Variants in SLC24A3 observed in about 807,000 individuals in gnomAD.
SLC24A3 encodes the protein sodium/potassium/calcium exchanger 3.
Under a neutral mutation model 75.8 loss-of-function variants are expected in SLC24A3, and 28 were observed. That is an observed-to-expected ratio of 0.37 (90% CI 0.27 to 0.51). The LOEUF (loss-of-function observed/expected upper bound fraction) is 0.51, where lower values mean the gene tolerates loss of function less well. SLC24A3 is among the 20% of genes least tolerant of loss of function. The probability of loss-of-function intolerance (pLI) is 0.94; values close to 1 mark genes in which losing one functional copy is unlikely to be tolerated. For missense variants in SLC24A3, 663 were observed against 847.8 expected, an observed-to-expected ratio of 0.78 and a Z score of 2.71; for synonymous variants, 372 against 334.1, an observed-to-expected ratio of 1.11 and a Z score of -1.24.
chr20:19,519,009 G>A (rs923991494), intron 3 of SLC24A3, among the ~76,000 whole-genome samples: 3 of 152,166 alleles, frequency 2.0e-5, no homozygotes, highest in Non-Finnish European at 2.9e-5. Context: ...GAGGGTCCCA[G>A]AGGGGTGTCC....
At chr20:19,514,516 G>T (rs1338941436) in intron 2 of SLC24A3, among the ~76,000 whole-genome samples, 1 of 152,312 alleles carries the variant, frequency 6.6e-6, no homozygotes, top group East Asian at 1.9e-4. Flanking sequence ...GGTGATGTCT[G>T]CCCATGTGGG....
chr20:19,229,686 A>G (rs1379238955), intron 1 of SLC24A3, among the ~76,000 whole-genome samples: 1 of 151,966 alleles, frequency 6.6e-6, no homozygotes, highest in Non-Finnish European at 1.5e-5. Context: ...ATGACCTTTA[A>G]TTGTGGCTTC....
chr20:19,364,936 A>G (rs1239028595), intron 2 of SLC24A3, among the ~76,000 whole-genome samples: 1 of 152,110 alleles, frequency 6.6e-6, no homozygotes, highest in Admixed American at 6.5e-5. Flanking sequence ...AAAGCCAGAA[A>G]AGTAAGTTCT....
At chr20:19,393,128 T>A (rs1266036136) in intron 2 of SLC24A3, among the ~76,000 whole-genome samples, 1 of 152,206 alleles carries the variant, frequency 6.6e-6, no homozygotes, top group Non-Finnish European at 1.5e-5. Context: ...ATATGCATAA[T>A]CTCTTACAGA....
Position 19,691,375 on chromosome 20 carries a change from A to G in SLC24A3, c.1325-1884A>G, listed in dbSNP as rs556990807. ...GAAAAGGCTTGGAGTGTCTGAGGAC[A>G]GAAAGTTAGCCAAGACCAGGGAGTA... On this transcript the variant is annotated intron_variant, in intron 12 of 16. Coordinates refer to ENST00000328041, the MANE Select transcript of SLC24A3 (RefSeq NM_020689.4). Among the ~76,000 whole-genome samples, 35 of 152,366 alleles carry G rather than the reference A, an allele frequency of 2.3e-4. No individual in the cohort carries two copies. The South Asian group carries it at 6.6e-3, about 29-fold the overall frequency.
At chr20:19,349,639 G>A (rs6132195) in intron 2 of SLC24A3, among the ~76,000 whole-genome samples, 8,295 of 152,238 alleles carry the variant, frequency 0.054, 590 homozygotes, top group East Asian at 0.25. Context: ...GCTCTGTGTG[G>A]TTTTCTGGAG....
At chr20:19,581,896 G>T (rs2031223362) in intron 4 of SLC24A3, among the ~76,000 whole-genome samples, 1 of 152,202 alleles carries the variant, frequency 6.6e-6, no homozygotes, top group African/African-American at 2.4e-5. Flanking sequence ...TACTGGAGGA[G>T]TGGGCACAGA....
intron 15 of SLC24A3, among the ~76,000 whole-genome samples, chr20:19,703,518 G>A (rs1422898973): frequency 6.6e-6 from 1 of 152,174 alleles, no homozygotes; most frequent in Non-Finnish European, 1.5e-5. Flanking sequence ...AATAACTCCT[G>A]AGATCTTTGC....
intron 2 of SLC24A3, among the ~76,000 whole-genome samples, chr20:19,400,211 T>C (rs1986526630): frequency 6.6e-6 from 1 of 152,214 alleles, no homozygotes; most frequent in Non-Finnish European, 1.5e-5. Context: ...ACAGACATTG[T>C]GGATTTTACC....
At chr20:19,567,039 A>G (rs2030969793) in intron 3 of SLC24A3, among the ~76,000 whole-genome samples, 1 of 152,202 alleles carries the variant, frequency 6.6e-6, no homozygotes, top group Non-Finnish European at 1.5e-5. Context: ...GAGAAAAGAG[A>G]ATGCTTATAC....
At chr20:19,366,126 T>A (rs1985886345) in intron 2 of SLC24A3, among the ~76,000 whole-genome samples, 1 of 152,136 alleles carries the variant, frequency 6.6e-6, no homozygotes, top group African/African-American at 2.4e-5. Context: ...ATGCTACAAT[T>A]TGACAAGGTT....
At chr20:19,366,996 T>G (rs1359177249) in intron 2 of SLC24A3, among the ~76,000 whole-genome samples, 1 of 152,172 alleles carries the variant, frequency 6.6e-6, no homozygotes, top group Non-Finnish European at 1.5e-5. Context: ...AGCCCTGATA[T>G]CCAAAAGAAC....
chr20:19,275,881 G>A (rs1568575639), intron 1 of SLC24A3, among the ~76,000 whole-genome samples: 1 of 152,098 alleles, frequency 6.6e-6, no homozygotes, highest in East Asian at 1.9e-4. Flanking sequence ...CGTGACATGT[G>A]ACATGTGAGC....
rs543881142 is a variant in SLC24A3, at chr20:19,491,511, G to T, written c.272-23977G>T. Among the ~76,000 whole-genome samples, 18 of 152,284 alleles carry T rather than the reference G, an allele frequency of 1.2e-4. 1 individual carries two copies. The South Asian group carries it at 3.7e-3, about 32-fold the overall frequency. Reference sequence around the variant, plus strand: ...CCCTTGTCCTCGATGGACAAAGGTTGCCTGAGCTTCCAGTCACCCTGGCTT... The same window carrying T: ...CCCTTGTCCTCGATGGACAAAGGTTTCCTGAGCTTCCAGTCACCCTGGCTT... On this transcript the variant is annotated intron_variant, in intron 2 of 16. Transcript: ENST00000328041.
intron 1 of SLC24A3, among the ~76,000 whole-genome samples, chr20:19,219,511 A>G (rs542902038): frequency 1.4e-3 from 215 of 152,246 alleles, no homozygotes; most frequent in African/African-American, 4.8e-3. Context: ...TGAACAAGTA[A>G]TTTTCATGAA....
chr20:19,581,386 A>G (rs529150195), intron 4 of SLC24A3, among the ~76,000 whole-genome samples: 3 of 152,334 alleles, frequency 2.0e-5, no homozygotes, highest in African/African-American at 7.2e-5. Flanking sequence ...TCAAAATTAT[A>G]TTCTGGAAAT....
intron 2 of SLC24A3, among the ~76,000 whole-genome samples, chr20:19,421,749 AGTGTGCTTTTT>A (rs1986922001): frequency 6.6e-6 from 1 of 152,218 alleles, no homozygotes; most frequent in African/African-American, 2.4e-5. Flanking sequence ...AAAGCAAGAG[AGTGTGCTTTTT>A]GGCCATGGGC....
intron 1 of SLC24A3, among the ~76,000 whole-genome samples, chr20:19,225,063 A>T (rs1981836612): frequency 6.6e-6 from 1 of 152,152 alleles, no homozygotes; most frequent in African/African-American, 2.4e-5. Flanking sequence ...TTTAGAAGAG[A>T]GTTTGCATTG....
At chr20:19,460,194 T>C (rs535984834) in intron 2 of SLC24A3, among the ~76,000 whole-genome samples, 1 of 152,212 alleles carries the variant, frequency 6.6e-6, no homozygotes, top group East Asian at 1.9e-4. Context: ...CGTGGGCGAC[T>C]TCTTAAATTT....
Sources: gnomAD v4.1 joint callset for allele counts (sites outside exome capture counted in the v4.1 genomes callset) on GRCh38, gnomAD v4.1.1 for gene constraint, MANE v1.5 for transcripts, NCBI Gene and HGNC (gene_info 2026-07-23, HGNC 2026-07-21) for gene names.